TMEM67: variants seen among roughly 807,000 people sequenced by gnomAD.
TMEM67 encodes the protein transmembrane protein 67.
A neutral mutation model predicts 136.6 loss-of-function variants in TMEM67; 124 were observed. That is an observed-to-expected ratio of 0.91 (90% confidence interval 0.78 to 1.05). The LOEUF (loss-of-function observed/expected upper bound fraction) is 1.05. TMEM67 is among the 50% of genes least tolerant of loss of function. The pLI, the probability that TMEM67 is intolerant of heterozygous loss-of-function variation, is 0.00. For missense variants in TMEM67, 1,107 were observed against 1,178.4 expected, an observed-to-expected ratio of 0.94 and a Z score of 0.89; for synonymous variants, 364 against 390.5, an observed-to-expected ratio of 0.93 and a Z score of 0.80.
chr8:93,785,184 C>T (rs377005525), intron 11 of TMEM67, 38 bp from the exon 12 acceptor site: 2 of 1,200,772 alleles, frequency 1.7e-6, no homozygotes, highest in African/African-American at 1.5e-5. Context: ...CTTTAAGTTG[C>T]TGTTTTATGT....
intron 6 of TMEM67, 113 bp downstream of exon 6, chr8:93,765,759 A>G (rs1014564888): frequency 1.3e-6 from 1 of 757,582 alleles, no homozygotes; most frequent in Non-Finnish European, 2.3e-6. Flanking sequence ...TTTAAAACAG[A>G]AAAAAATCAA....
intron 11 of TMEM67, among the ~76,000 whole-genome samples, chr8:93,783,745 A>G (rs534673576): frequency 2.0e-4 from 31 of 152,364 alleles, no homozygotes; most frequent in African/African-American, 7.2e-4. Flanking sequence ...GGAAGCAAAC[A>G]TGTCCTTTTT....
At chr8:93,778,022 T>C (rs1357368841) in intron 7 of TMEM67, among the ~76,000 whole-genome samples, 1 of 152,214 alleles carries the variant, frequency 6.6e-6, no homozygotes, top group African/African-American at 2.4e-5. Flanking sequence ...ACTTGCTTTA[T>C]GAATCTGGGT....
chr8:93,756,697 C>A lies in TMEM67; in HGVS notation c.312+831C>A, dbSNP rs182384820. On this transcript the variant is annotated intron_variant, in intron 2 of 27. Transcript: ENST00000453321. ...CAAATATTGATCCTAGCTGAATTACCCATGATAAAAAGCTGCTAATAAAAA... is the reference window on the plus strand; with the variant it reads ...CAAATATTGATCCTAGCTGAATTACACATGATAAAAAGCTGCTAATAAAAA... 3.3e-5 allele frequency: 5 copies of A among 151,988 alleles called. No homozygotes were observed. In the East Asian group the frequency reaches 9.6e-4, roughly 29 times the overall value. The allele number at this position is 151,988 out of a possible 1,614,324, so 9.4% of individuals were successfully genotyped here.
chr8:93,825,063 G>A, the TMEM67 span, among the ~76,000 whole-genome samples: 2 of 152,188 alleles, frequency 1.3e-5, no homozygotes, highest in African/African-American at 4.8e-5. Flanking sequence ...TCTGCCTCAA[G>A]ACCGTTGTCA....
At position 93,816,424 on chromosome 8, in the gene TMEM67, CATT is replaced by C. The variant is rs1187944887; in HGVS notation, c.2961_2963del (p.Leu988del). 6.3e-7 allele frequency: 1 copy of C among 1,598,026 alleles called. No individual in the cohort carries two copies. The highest frequency in any genetic ancestry group is 8.6e-7 in the Non-Finnish European group (1 of 1,167,192). The stretch of plus-strand genomic sequence containing the variant: ...GGACAAAAGAATTTGGCATCCAAAA[CATT>C]GGTGGATCAAAGATTTTTGATTTAA... On this transcript the variant is annotated inframe_deletion, in exon 28 of 28. Transcript: ENST00000453321.
downstream of TMEM67, among the ~76,000 whole-genome samples, chr8:93,819,621 G>T (rs1480836196): frequency 6.6e-6 from 1 of 152,072 alleles, no homozygotes; most frequent in Admixed American, 6.6e-5. Context: ...TGTACTTCTG[G>T]GTCATCAGGG....
chr8:93,818,823 A>T (rs1293538586), downstream of TMEM67, among the ~76,000 whole-genome samples: 1 of 152,030 alleles, frequency 6.6e-6, no homozygotes, highest in Non-Finnish European at 1.5e-5. Context: ...AGAGAGAGAG[A>T]TGGGGTCTCA....
chr8:93,812,936 A>G (rs1457702901), intron 26 of TMEM67, among the ~76,000 whole-genome samples: 2 of 151,828 alleles, frequency 1.3e-5, no homozygotes, highest in Admixed American at 1.3e-4. Context: ...GGGTTTCACC[A>G]TGTTGGTCAG....
At position 93,816,696 on chromosome 8, in the gene TMEM67, C is replaced by A; in HGVS notation, c.*244C>A. 7.3e-6 allele frequency: 2 copies of A among 273,414 alleles called. No homozygotes were observed. The highest frequency in any genetic ancestry group is 1.4e-5 in the Non-Finnish European group (2 of 144,862). 16.9% of individuals were successfully genotyped at this position (273,414 alleles called of 1,614,324 possible). A position where few individuals can be genotyped will look rare whatever the true frequency, so the allele number is the denominator to read the frequency against. ...AATAAATTAATACTGACAGTGAGGC[C>A]AAAAAAAATCTAAATGTTGCTTTCA... On this transcript the variant is annotated 3_prime_UTR_variant, in exon 28 of 28. Transcript: ENST00000453321.
chr8:93,799,882 G>C, intron 21 of TMEM67, 124 bp downstream of exon 21: 3 of 661,096 alleles, frequency 4.5e-6, no homozygotes, highest in Non-Finnish European at 5.2e-6. Flanking sequence ...AAGGTGACAA[G>C]AACAATAGCT....
chr8:93,770,630 A>G (rs1330036321), intron 6 of TMEM67, among the ~76,000 whole-genome samples: 1 of 152,146 alleles, frequency 6.6e-6, no homozygotes, highest in Non-Finnish European at 1.5e-5. Flanking sequence ...ATATTTTCGC[A>G]AGATATTATA....
chr8:93,822,347 C>T (rs1809052992), downstream of TMEM67, among the ~76,000 whole-genome samples: 1 of 152,176 alleles, frequency 6.6e-6, no homozygotes, highest in Admixed American at 6.5e-5. Context: ...CATGTGTGGG[C>T]AAGAATGTGT....
At chr8:93,766,072 A>G (rs1813069258) in intron 6 of TMEM67, among the ~76,000 whole-genome samples, 1 of 152,210 alleles carries the variant, frequency 6.6e-6, no homozygotes, top group South Asian at 2.1e-4. Context: ...GTACATGGTA[A>G]TCATTAGAGA....
At chr8:93,777,734 C>T (rs1195267434) in intron 7 of TMEM67, among the ~76,000 whole-genome samples, 1 of 152,162 alleles carries the variant, frequency 6.6e-6, no homozygotes, top group Non-Finnish European at 1.5e-5. Context: ...GTTGTCATTT[C>T]TGTTCTTTTA....
intron 5 of TMEM67, 44 bp downstream of exon 5, chr8:93,765,519 G>A (rs763511821): frequency 1.2e-6 from 2 of 1,600,032 alleles, no homozygotes; most frequent in African/African-American, 1.3e-5. Context: ...TTTTAATTCA[G>A]TTGCTTATGC....
At chr8:93,779,697 C>T (rs956849908) in intron 7 of TMEM67, among the ~76,000 whole-genome samples, 3 of 152,124 alleles carry the variant, frequency 2.0e-5, no homozygotes, top group East Asian at 1.9e-4. Context: ...ATATTACCAG[C>T]GGAGGTTGTA....
chr8:93,813,428 C>G (rs1808778511), intron 26 of TMEM67, among the ~76,000 whole-genome samples: 1 of 152,184 alleles, frequency 6.6e-6, no homozygotes, highest in South Asian at 2.1e-4. Context: ...ATCTGCCCAC[C>G]TCGGCCTCCC....
At chr8:93,808,319 CAATA>C (rs901066290) in intron 23 of TMEM67, among the ~76,000 whole-genome samples, 2 of 136,402 alleles carry the variant, frequency 1.5e-5, no homozygotes, top group African/African-American at 5.4e-5. Context: ...ATATTATAGA[CAATA>C]AATTATAGAT....
Sources: allele counts gnomAD v4.1 joint callset (sites outside exome capture counted in the v4.1 genomes callset), GRCh38; gene constraint gnomAD v4.1.1; transcripts MANE v1.5; gene names NCBI Gene and HGNC (gene_info 2026-07-23, HGNC 2026-07-21).